Variants in ADGRD1 observed in about 807,000 individuals in gnomAD.
The protein encoded by ADGRD1 is G-protein coupled receptor 133.
In ADGRD1, 77 loss-of-function variants were observed where a neutral mutation model predicts 113.4. The observed-to-expected ratio is 0.68, with a 90% CI of 0.57 to 0.82. The LOEUF is 0.82. Among genes scored for constraint, ADGRD1 ranks in the 40% least tolerant of loss-of-function variants. ADGRD1 has a pLI of 0.00. For missense variants in ADGRD1, 1,036 were observed against 1,139.1 expected, an observed-to-expected ratio of 0.91 and a Z score of 1.30; for synonymous variants, 474 against 475.0, an observed-to-expected ratio of 1.00 and a Z score of 0.03.
chr12:131,114,419 C>G (rs895248049), intron 18 of ADGRD1, among the ~76,000 whole-genome samples: 13 of 152,152 alleles, frequency 8.5e-5, no homozygotes, highest in African/African-American at 2.9e-4. Context: ...ACAGCTCTTG[C>G]AAATGGAGCG....
chr12:130,999,162 G>A (rs554588320), intron 8 of ADGRD1, among the ~76,000 whole-genome samples: 31 of 152,266 alleles, frequency 2.0e-4, no homozygotes, highest in African/African-American at 7.0e-4. Context: ...ATCAAGAGTC[G>A]GCAAACTATG....
intron 15 of ADGRD1, among the ~76,000 whole-genome samples, chr12:131,093,453 G>A (rs538491846): frequency 1.1e-4 from 16 of 152,340 alleles, no homozygotes; most frequent in African/African-American, 3.4e-4. Context: ...CCCGTGCCCC[G>A]CGGTTACCCA....
intron 6 of ADGRD1, chr12:130,989,252 A>G (rs1244849372): frequency 6.6e-6 from 1 of 152,230 alleles, no homozygotes; most frequent in East Asian, 1.9e-4. Context: ...AAAAGCTTCA[A>G]ACAAAGCCTG....
intron 4 of ADGRD1, among the ~76,000 whole-genome samples, chr12:130,975,678 T>C (rs1393724421): frequency 1.3e-5 from 2 of 152,238 alleles, no homozygotes; most frequent in East Asian, 3.8e-4. Context: ...CTTCCTTGCT[T>C]ACTCTCATTT....
Position 131,118,497 on chromosome 12 carries a change from C to G in ADGRD1, c.2108+46C>G, listed in dbSNP as rs1445139080. ...TGCTTTTGGCAGGCGTTCCATGGAA[C>G]AGCTTGTGGCGAGAGCCCCGTGGCT... On this transcript the variant is annotated intron_variant, in intron 19 of 24. Coordinates refer to ENST00000261654, the MANE Select transcript of ADGRD1 (RefSeq NM_198827.5). The G allele has an allele frequency of 4.2e-6, 6 of 1,438,484 alleles. No homozygotes were observed. In the East Asian group the frequency reaches 1.1e-4, roughly 27 times the overall value. 89.1% of individuals were successfully genotyped at this position (1,438,484 alleles called of 1,614,324 possible). A position where few individuals can be genotyped will look rare whatever the true frequency, so the allele number is the denominator to read the frequency against.
At chr12:131,109,738 T>A (rs917396290) in intron 18 of ADGRD1, among the ~76,000 whole-genome samples, 1 of 152,214 alleles carries the variant, frequency 6.6e-6, no homozygotes, top group Admixed American at 6.5e-5. Context: ...AGATACCTGT[T>A]AGGCCTAAGT....
chr12:131,040,052 C>T (rs540453463), intron 13 of ADGRD1, among the ~76,000 whole-genome samples: 6 of 152,352 alleles, frequency 3.9e-5, no homozygotes, highest in African/African-American at 1.4e-4. Context: ...ACCAGCGGCA[C>T]CCTCAGGCAT....
chr12:131,008,239 T>A (rs1452221038), intron 12 of ADGRD1, among the ~76,000 whole-genome samples: 2 of 152,268 alleles, frequency 1.3e-5, no homozygotes, highest in African/African-American at 4.8e-5. Context: ...TTGAGGTAAT[T>A]ATCAAATCCT....
intron 13 of ADGRD1, among the ~76,000 whole-genome samples, chr12:131,073,889 C>T (rs888048277): frequency 5.3e-5 from 8 of 152,190 alleles, no homozygotes; most frequent in Non-Finnish European, 1.0e-4. Context: ...TTAATCCATT[C>T]CTGAGGGCTC....
rs141128784 is a variant in ADGRD1 at position 131,108,854 on chromosome 12, G to T, written c.2018G>T (p.Arg673Leu). ...KVFGSEDSKHRYYYGMGWGFP... is the reference protein window; with the variant it reads ...KVFGSEDSKHLYYYGMGWGFP... ...TTTGGGTCGGAGGACAGCAAGCACC[G>T]TTACTACTATGGGATGGGATGGGGT... The change falls in exon 18 of 25, where the codon CGT becomes CTT. Residue 673 changes from arginine (R) to leucine (L), a missense_variant. Coordinates refer to ENST00000261654, the MANE Select transcript of ADGRD1 (RefSeq NM_198827.5). 4.9e-6 allele frequency: 7 copies of T among 1,432,854 alleles called. No homozygotes were observed. The highest frequency in any genetic ancestry group is 5.6e-6 in the Non-Finnish European group (6 of 1,065,768). The allele number at this position is 1,432,854 out of a possible 1,614,324, so 88.8% of individuals were successfully genotyped here. A position where few individuals can be genotyped will look rare whatever the true frequency, so the allele number is the denominator to read the frequency against.
intron 13 of ADGRD1, among the ~76,000 whole-genome samples, chr12:131,072,254 C>A (rs1251755305): frequency 6.6e-6 from 1 of 152,160 alleles, no homozygotes; most frequent in East Asian, 1.9e-4. Context: ...GAGGGAGGGA[C>A]ACAGTTTAGA....
At chr12:131,069,489 C>T (rs1046847570) in intron 13 of ADGRD1, 3 of 152,344 alleles carry the variant, frequency 2.0e-5, no homozygotes, top group African/African-American at 4.8e-5. Context: ...TGACTTCACT[C>T]ATGTAAAACA....
intron 18 of ADGRD1, among the ~76,000 whole-genome samples, chr12:131,117,034 T>C (rs1485879197): frequency 6.6e-6 from 1 of 152,250 alleles, no homozygotes; most frequent in Non-Finnish European, 1.5e-5. Context: ...ATCTTCCTTT[T>C]GGAGAGTCAT....
intron 13 of ADGRD1, among the ~76,000 whole-genome samples, chr12:131,054,335 G>A (rs367817024): frequency 2.5e-4 from 38 of 152,154 alleles, no homozygotes; most frequent in African/African-American, 8.7e-4. Context: ...TTGTTCTTTC[G>A]CCATAGATTA....
chr12:130,954,403 G>A lies in ADGRD1; in HGVS notation c.-63G>A. The A allele has an allele frequency of 1.4e-6, 2 of 1,383,900 alleles. No homozygotes were observed. Among genetic ancestry groups the A allele is most frequent in the Non-Finnish European group, 2.0e-6 (2 of 1,016,782 alleles). The allele number at this position is 1,383,900 out of a possible 1,614,324, so 85.7% of individuals were successfully genotyped here. A position where few individuals can be genotyped will look rare whatever the true frequency, so the allele number is the denominator to read the frequency against. ...TTTCCAAGGAAGTGAAGGTTAAGAG[G>A]TCCCGTTCTCACAGACCCTCAGGAA... is the stretch of plus-strand genomic sequence containing the variant. On this transcript the variant is annotated 5_prime_UTR_variant, in exon 1 of 25. Coordinates refer to ENST00000261654, the MANE Select transcript of ADGRD1 (RefSeq NM_198827.5). The surrounding 1 kb of genome is among the most constrained non-coding windows in gnomAD (Gnocchi z 4.7).
intron 13 of ADGRD1, among the ~76,000 whole-genome samples, chr12:131,032,356 C>T (rs1017980625): frequency 2.0e-5 from 3 of 152,244 alleles, no homozygotes; most frequent in East Asian, 3.8e-4. Flanking sequence ...AATCATCTCA[C>T]GGGTTCTGAC....
At chr12:130,968,940 CACTT>C in intron 3 of ADGRD1, 2 of 1,210,830 alleles carry the variant, frequency 1.7e-6, no homozygotes, top group Non-Finnish European at 2.4e-6. Context: ...TTGTCTCACT[CACTT>C]GCTGTGCTTT....
At chr12:131,083,213 A>G (rs1886202962) in intron 14 of ADGRD1, among the ~76,000 whole-genome samples, 1 of 152,108 alleles carries the variant, frequency 6.6e-6, no homozygotes, top group African/African-American at 2.4e-5. Flanking sequence ...CCCAAGGGCC[A>G]TTGCCTTTGG....
In ADGRD1 at chr12:131,104,893, G is replaced by C. The variant is rs1950196260; in HGVS notation, c.1734G>C (p.Val578=). Reference sequence around the variant, plus strand: ...GCTATGTGGGCTGCTCCCTCTCCGTGCTCTGCCTGGTGGCCACGCTGGTCA... The same window carrying C: ...GCTATGTGGGCTGCTCCCTCTCCGTCCTCTGCCTGGTGGCCACGCTGGTCA... ...SISYVGCSLS[V]LCLVATLVTF... Residue 578 remains valine, a synonymous_variant, in exon 16 of 25, where the codon GTG becomes GTC. Coordinates refer to ENST00000261654, the MANE Select transcript of ADGRD1 (RefSeq NM_198827.5). The C allele has an allele frequency of 6.4e-7, 1 of 1,551,382 alleles. No homozygotes were observed. The highest frequency in any genetic ancestry group is 8.7e-7 in the Non-Finnish European group (1 of 1,147,210).
Sources: gnomAD v4.1 joint callset for allele counts (sites outside exome capture counted in the v4.1 genomes callset) on GRCh38, gnomAD v4.1.1 for gene constraint, Gnocchi (gnomAD v3.1) non-coding constraint, MANE v1.5 for transcripts, NCBI Gene and HGNC (gene_info 2026-07-23, HGNC 2026-07-21) for gene names.